Variants in CACNA2D3 observed in about 807,000 individuals in gnomAD.
CACNA2D3 encodes calcium voltage-gated channel auxiliary subunit alpha2delta 3, also known as voltage-dependent calcium channel subunit alpha-2/delta-3.
A neutral mutation model predicts 160.6 loss-of-function variants in CACNA2D3; 60 were observed. The ratio of observed to expected loss-of-function variants is 0.37; its 90% CI spans 0.30 to 0.46. The LOEUF (loss-of-function observed/expected upper bound fraction) is 0.46, where lower values mean the gene tolerates loss of function less well. Among genes scored for constraint, CACNA2D3 ranks in the 20% least tolerant of loss-of-function variants. CACNA2D3 has a pLI of 1.00. For missense variants in CACNA2D3, 1,205 were observed against 1,365.0 expected (o/e 0.88, Z 1.85); for synonymous variants, 558 against 492.9 (o/e 1.13, Z -1.75).
At chr3:54,759,393 C>G (rs1702039485) in intron 12 of CACNA2D3, among the ~76,000 whole-genome samples, 1 of 151,008 alleles carries the variant, frequency 6.6e-6, no homozygotes, top group South Asian at 2.1e-4. Flanking sequence ...AGGGAAGTGT[C>G]TATGGTTACA....
intron 8 of CACNA2D3, among the ~76,000 whole-genome samples, chr3:54,581,406 A>G (rs971957077): frequency 6.6e-6 from 1 of 152,224 alleles, no homozygotes; most frequent in Non-Finnish European, 1.5e-5. Flanking sequence ...CCTTGGTTCC[A>G]TGAAGCCAAA....
intron 13 of CACNA2D3, among the ~76,000 whole-genome samples, chr3:54,785,792 CA>C (rs1702629655): frequency 6.6e-6 from 1 of 152,204 alleles, no homozygotes; most frequent in Non-Finnish European, 1.5e-5. Flanking sequence ...ATGAGGCAAA[CA>C]CCATGTCACT....
intron 13 of CACNA2D3, among the ~76,000 whole-genome samples, chr3:54,804,036 A>T (rs1318653474): frequency 6.6e-6 from 1 of 152,162 alleles, no homozygotes; most frequent in East Asian, 1.9e-4. Context: ...GGCCTGCCCT[A>T]AAAGAGCTCC....
chr3:54,774,341 T>C (rs993574677), intron 13 of CACNA2D3, among the ~76,000 whole-genome samples: 1 of 152,068 alleles, frequency 6.6e-6, no homozygotes, highest in Non-Finnish European at 1.5e-5. Flanking sequence ...AAACTTACAA[T>C]CATCGTGGAA....
At chr3:54,915,092 T>C (rs1369295401) in intron 27 of CACNA2D3, among the ~76,000 whole-genome samples, 1 of 152,242 alleles carries the variant, frequency 6.6e-6, no homozygotes, top group African/African-American at 2.4e-5. Context: ...TGCATCACTT[T>C]TTAGTCTTGC....
chr3:54,200,004 G>T (rs1053304637), intron 2 of CACNA2D3, among the ~76,000 whole-genome samples: 7 of 152,172 alleles, frequency 4.6e-5, no homozygotes, highest in Non-Finnish European at 8.8e-5. Context: ...TGCTATCCTG[G>T]CAGAGTTGAG....
chr3:55,008,928 G>A (rs1703155117), intron 33 of CACNA2D3, among the ~76,000 whole-genome samples: 1 of 77,584 alleles, frequency 1.3e-5, no homozygotes, highest in African/African-American at 4.4e-5. Context: ...CACACACAGG[G>A]GGCTTAAACA....
chr3:54,867,096 A>C (rs1421697176), intron 17 of CACNA2D3, among the ~76,000 whole-genome samples: 1 of 152,200 alleles, frequency 6.6e-6, no homozygotes, highest in Non-Finnish European at 1.5e-5. Context: ...GATTATAGAT[A>C]CACTAACAAA....
chr3:54,421,800 T>G (rs1306636401), intron 4 of CACNA2D3, among the ~76,000 whole-genome samples: 1 of 152,102 alleles, frequency 6.6e-6, no homozygotes, highest in Non-Finnish European at 1.5e-5. Context: ...GACTTCACGT[T>G]TCAGGATGGT....
chr3:54,165,220 T>G (rs538691438), intron 2 of CACNA2D3, among the ~76,000 whole-genome samples: 62 of 148,346 alleles, frequency 4.2e-4, no homozygotes, highest in African/African-American at 1.5e-3. Flanking sequence ...TGTGGGACGG[T>G]CCACACTAAA....
chr3:54,973,958 A>G (rs1702329602), intron 29 of CACNA2D3, among the ~76,000 whole-genome samples: 2 of 152,140 alleles, frequency 1.3e-5, no homozygotes, highest in African/African-American at 2.4e-5. Context: ...CCTCAGATGC[A>G]AGAACCTAGT....
chr3:54,122,699 C>A lies in CACNA2D3; in HGVS notation c.-15C>A. On this transcript the variant is annotated 5_prime_UTR_variant, in exon 1 of 38. Transcript: ENST00000474759. ...CTCGTCGCCGCCGCAGCGGGCGCGT[C>A]GGAGGGAGCCCAGCATGGCCGGGCC... 2 of 1,150,426 alleles carry A rather than the reference C, an allele frequency of 1.7e-6. No individual in the cohort carries two copies. Among genetic ancestry groups the A allele is most frequent in the Non-Finnish European group, 2.1e-6 (2 of 936,900 alleles). 71.3% of individuals were successfully genotyped at this position (1,150,426 alleles called of 1,614,324 possible). A position where few individuals can be genotyped will look rare whatever the true frequency, so the allele number is the denominator to read the frequency against.
At chr3:54,993,988 G>T (rs958347607) in intron 31 of CACNA2D3, among the ~76,000 whole-genome samples, 3 of 149,802 alleles carry the variant, frequency 2.0e-5, no homozygotes, top group Admixed American at 1.3e-4. Flanking sequence ...GGTGCAACAC[G>T]CTTGAGCTTT....
At chr3:54,501,439 C>T (rs1163823809) in intron 4 of CACNA2D3, among the ~76,000 whole-genome samples, 10 of 146,286 alleles carry the variant, frequency 6.8e-5, no homozygotes, top group African/African-American at 2.5e-4. Context: ...CAGGGTCTCA[C>T]TCTGTCACCC....
intron 17 of CACNA2D3, among the ~76,000 whole-genome samples, chr3:54,852,546 C>T (rs1699081554): frequency 6.6e-6 from 1 of 152,224 alleles, no homozygotes; most frequent in Non-Finnish European, 1.5e-5. Context: ...AGCCTGGGTT[C>T]CAGGATGGCA....
intron 11 of CACNA2D3, among the ~76,000 whole-genome samples, chr3:54,701,307 T>G (rs1222193601): frequency 1.3e-5 from 2 of 152,182 alleles, no homozygotes; most frequent in Non-Finnish European, 2.9e-5. Flanking sequence ...TGAAAACTAG[T>G]GATCTTAATG....
chr3:54,755,365 A>T (rs1701950892), intron 12 of CACNA2D3, among the ~76,000 whole-genome samples: 1 of 152,156 alleles, frequency 6.6e-6, no homozygotes, highest in East Asian at 1.9e-4. Flanking sequence ...GTGAACAGCC[A>T]GGCTCTTAAA....
At chr3:54,989,541 G>C (rs1334527148) in intron 31 of CACNA2D3, among the ~76,000 whole-genome samples, 1 of 152,194 alleles carries the variant, frequency 6.6e-6, no homozygotes, top group Non-Finnish European at 1.5e-5. Flanking sequence ...GAGTCAGACA[G>C]ACTGGGGTCA....
intron 4 of CACNA2D3, among the ~76,000 whole-genome samples, chr3:54,498,197 G>C (rs1177723619): frequency 6.6e-6 from 1 of 151,586 alleles, no homozygotes; most frequent in Admixed American, 6.6e-5. Flanking sequence ...CATCAGTTAA[G>C]GCATATGAAC....
Sources: allele counts gnomAD v4.1 joint callset (sites outside exome capture counted in the v4.1 genomes callset), GRCh38; gene constraint gnomAD v4.1.1; transcripts MANE v1.5; gene names NCBI Gene and HGNC (gene_info 2026-07-23, HGNC 2026-07-21).